Variants in RBPJ observed in about 807,000 individuals in gnomAD.
RBPJ encodes recombining binding protein suppressor of hairless.
In RBPJ, 9 loss-of-function variants were observed where a neutral mutation model predicts 67.8. That is an observed-to-expected ratio of 0.13 (90% CI 0.08 to 0.23). The LOEUF is 0.23. Among genes scored for constraint, RBPJ ranks in the 10% least tolerant of loss-of-function variants. The pLI is 1.00. For missense variants in RBPJ, 305 were observed against 595.6 expected, an observed-to-expected ratio of 0.51 and a Z score of 5.08; for synonymous variants, 198 against 203.3, an observed-to-expected ratio of 0.97 and a Z score of 0.22.
At chr4:26,191,202 T>TAGAGAGAGAG (rs1553847212) in intron 1 of RBPJ, among the ~76,000 whole-genome samples, 1 of 32,174 alleles carries the variant, frequency 3.1e-5, no homozygotes, top group Non-Finnish European at 5.4e-5. Flanking sequence ...TATATATATA[T>TAGAGAGAGAG]ATATATATAG....
At chr4:26,209,044 T>C (rs1268964534) in intron 1 of RBPJ, among the ~76,000 whole-genome samples, 8 of 150,802 alleles carry the variant, frequency 5.3e-5, no homozygotes, top group Non-Finnish European at 1.2e-4. Flanking sequence ...AATATTCAGA[T>C]ATAAAGACAG....
At chr4:26,360,568 A>G (rs1727931207) in intron 1 of RBPJ, among the ~76,000 whole-genome samples, 1 of 149,976 alleles carries the variant, frequency 6.7e-6, no homozygotes, top group South Asian at 2.1e-4. Flanking sequence ...ATGGAAGCGG[A>G]ATGTTTTCTA....
chr4:26,141,556 G>A, the RBPJ span, among the ~76,000 whole-genome samples: 2 of 152,212 alleles, frequency 1.3e-5, no homozygotes, highest in Non-Finnish European at 2.9e-5. Flanking sequence ...GGGATACAGA[G>A]TGACATTTCA....
chr4:26,312,105 A>G (rs1174924375), intron 1 of RBPJ, among the ~76,000 whole-genome samples: 1 of 152,048 alleles, frequency 6.6e-6, no homozygotes, highest in Admixed American at 6.6e-5. Flanking sequence ...TGAGGACCAC[A>G]GCTCTACCAG....
At chr4:26,353,025 A>G (rs978776533) in intron 1 of RBPJ, among the ~76,000 whole-genome samples, 4 of 152,254 alleles carry the variant, frequency 2.6e-5, no homozygotes, top group Non-Finnish European at 5.9e-5. Flanking sequence ...TGGAAAGGAA[A>G]GTATAGCAAA....
At position 26,331,332 on chromosome 4, in the gene RBPJ, C is replaced by T. The variant is rs761612363; in HGVS notation, c.20+10284C>T. Among the ~76,000 whole-genome samples the T allele has an allele frequency of 1.2e-4, 19 of 152,150 alleles. No individual in the cohort carries two copies. The East Asian group carries it at 1.4e-3, about 11-fold the overall frequency. On this transcript the variant is annotated intron_variant, in intron 1 of 10. Transcript: ENST00000355476. ...AAACTTCTGGGCTTAAGGGATCTGC[C>T]GGCCTCAGCCTTCCAAAGTGCTGGG...
chr4:26,270,415 AAGAAAGAAAGAAAGAAAGAAAG>A (rs1248156482), intron 1 of RBPJ, among the ~76,000 whole-genome samples: 10 of 61,068 alleles, frequency 1.6e-4, no homozygotes, highest in African/African-American at 4.4e-4. Context: ...GAAAGAAAGA[AAGAAAGAAAGAAAGAAAGAAAG>A]AAGAAAGAAA....
chr4:26,228,887 C>T (rs1347837726), intron 1 of RBPJ, among the ~76,000 whole-genome samples: 4 of 152,180 alleles, frequency 2.6e-5, no homozygotes, highest in Non-Finnish European at 2.9e-5. Context: ...GTTTTGAGTA[C>T]GACATCTGAA....
intron 1 of RBPJ, among the ~76,000 whole-genome samples, chr4:26,327,033 T>G (rs1023254511): frequency 5.9e-5 from 9 of 152,180 alleles, no homozygotes; most frequent in African/African-American, 1.7e-4. Context: ...TCTTCTCTGC[T>G]TGGGCAGCTG....
chr4:26,185,780 C>T (rs1296134572), intron 1 of RBPJ, among the ~76,000 whole-genome samples: 1 of 152,176 alleles, frequency 6.6e-6, no homozygotes, highest in Non-Finnish European at 1.5e-5. Context: ...AGGACTGGGG[C>T]CGGGCACGGT....
intron 1 of RBPJ, among the ~76,000 whole-genome samples, chr4:26,271,180 A>T (rs1720905886): frequency 6.6e-6 from 1 of 152,136 alleles, no homozygotes; most frequent in African/African-American, 2.4e-5. Context: ...AGCTGGAACT[A>T]CAGATGCATG....
chr4:26,205,337 A>T (rs1240978127), intron 1 of RBPJ, among the ~76,000 whole-genome samples: 2 of 152,140 alleles, frequency 1.3e-5, no homozygotes, highest in South Asian at 2.1e-4. Flanking sequence ...CCCAACACAG[A>T]CCATGGAGGG....
At chr4:26,392,450 T>C (rs1731603500) in intron 2 of RBPJ, among the ~76,000 whole-genome samples, 1 of 152,226 alleles carries the variant, frequency 6.6e-6, no homozygotes, top group Non-Finnish European at 1.5e-5. Context: ...CAAATTGTAG[T>C]GTATTCTACA....
intron 1 of RBPJ, among the ~76,000 whole-genome samples, chr4:26,177,594 GAGAA>G (rs941130233): frequency 6.6e-6 from 1 of 150,654 alleles, no homozygotes; most frequent in African/African-American, 2.4e-5. Context: ...AGAAGAAAGA[GAGAA>G]AGAGAAAGAG....
At chr4:26,271,610 G>C (rs1268515606) in intron 1 of RBPJ, among the ~76,000 whole-genome samples, 4 of 152,106 alleles carry the variant, frequency 2.6e-5, no homozygotes, top group African/African-American at 4.8e-5. Context: ...GGATCCATCA[G>C]TAGGCAGATA....
chr4:26,240,690 C>T (rs1364649169), intron 1 of RBPJ, among the ~76,000 whole-genome samples: 2 of 152,138 alleles, frequency 1.3e-5, no homozygotes, highest in Non-Finnish European at 2.9e-5. Flanking sequence ...TACTGCATTC[C>T]AGGTTTAATG....
chr4:26,387,776 C>A (rs1038789549), intron 2 of RBPJ, among the ~76,000 whole-genome samples: 1 of 152,152 alleles, frequency 6.6e-6, no homozygotes, highest in Non-Finnish European at 1.5e-5. Context: ...GAAACAATTT[C>A]TAAAGTTCAC....
At chr4:26,285,298 G>A (rs7671350) in intron 1 of RBPJ, among the ~76,000 whole-genome samples, 11,156 of 143,772 alleles carry the variant, frequency 0.078, 601 homozygotes, top group African/African-American at 0.15. Context: ...TGATAACTGG[G>A]CCCCAGTGTT....
chr4:26,259,853 A>C (rs1720469859), intron 1 of RBPJ, among the ~76,000 whole-genome samples: 1 of 152,202 alleles, frequency 6.6e-6, no homozygotes, highest in African/African-American at 2.4e-5. Context: ...TCCTTCTTGA[A>C]ATGAGTTATT....
Sources: allele counts gnomAD v4.1 joint callset (sites outside exome capture counted in the v4.1 genomes callset), GRCh38; gene constraint gnomAD v4.1.1; transcripts MANE v1.5; gene names NCBI Gene and HGNC (gene_info 2026-07-23, HGNC 2026-07-21).